Variants in CAPN2 observed in about 807,000 individuals in gnomAD.
The protein encoded by CAPN2 is calpain 2.
A neutral mutation model predicts 102.3 loss-of-function variants in CAPN2; 92 were observed. The ratio of observed to expected loss-of-function variants is 0.90; its 90% CI spans 0.76 to 1.07. CAPN2 has a LOEUF of 1.07. Ranked by LOEUF, CAPN2 falls within the 50% of genes least tolerant of loss-of-function variation. The probability of loss-of-function intolerance (pLI) is 0.00; values close to 1 mark genes in which losing one functional copy is unlikely to be tolerated. For synonymous variants in CAPN2, 340 were observed against 355.4 expected, an observed-to-expected ratio of 0.96 and a Z score of 0.49; for missense variants, 800 against 909.4, an observed-to-expected ratio of 0.88 and a Z score of 1.55.
chr1:223,742,261 A>G (rs1474973240), intron 2 of CAPN2, among the ~76,000 whole-genome samples: 1 of 151,868 alleles, frequency 6.6e-6, no homozygotes, highest in East Asian at 1.9e-4. Flanking sequence ...GCATGGTGGC[A>G]GGTGCCTATA....
chr1:223,761,793 G>C lies in CAPN2; in HGVS notation c.1566+176G>C, dbSNP rs1661192239. ...GCATCAGCTCTGGCCTCTGTGCTGG[G>C]GGCATGGGCCAGTCCCTTGCCTATT... On this transcript the variant is annotated intron_variant, in intron 13 of 20. Transcript: ENST00000295006. 4 of 586,902 alleles carry C rather than the reference G, an allele frequency of 6.8e-6. No homozygotes were observed. The East Asian group carries it at 1.1e-4, about 16-fold the overall frequency. 36.4% of individuals were successfully genotyped at this position (586,902 alleles called of 1,614,324 possible).
At chr1:223,718,239 G>A (rs935564449) in intron 2 of CAPN2, among the ~76,000 whole-genome samples, 8 of 152,236 alleles carry the variant, frequency 5.3e-5, no homozygotes, top group African/African-American at 1.9e-4. Context: ...GTTCTGTGAG[G>A]TTCAGGAACC....
At chr1:223,748,979 A>G in intron 5 of CAPN2, 60 bp from the exon 6 acceptor site, 1 of 1,473,514 alleles carries the variant, frequency 6.8e-7, no homozygotes, top group Non-Finnish European at 9.5e-7. Context: ...AGAGGGAGCG[A>G]GGGAGTCCGG....
intron 12 of CAPN2, among the ~76,000 whole-genome samples, chr1:223,760,818 C>A (rs888728807): frequency 6.6e-6 from 1 of 152,182 alleles, no homozygotes; most frequent in African/African-American, 2.4e-5. Context: ...ATTAATCCTT[C>A]TGCTCCAGAT....
At chr1:223,766,793 C>G (rs1315406693) in intron 16 of CAPN2, among the ~76,000 whole-genome samples, 2 of 152,120 alleles carry the variant, frequency 1.3e-5, no homozygotes, top group Non-Finnish European at 2.9e-5. Flanking sequence ...AACCTTGTCT[C>G]TACTAAAAAT....
chr1:223,732,641 T>A (rs941696782), intron 2 of CAPN2, among the ~76,000 whole-genome samples: 4 of 152,204 alleles, frequency 2.6e-5, no homozygotes, highest in Admixed American at 1.3e-4. Context: ...TCCTATCTCA[T>A]CCTGTGACTT....
chr1:223,761,738 G>A (rs569876822), intron 13 of CAPN2, 121 bp downstream of exon 13: 15 of 806,540 alleles, frequency 1.9e-5, no homozygotes, highest in East Asian at 2.5e-5. Context: ...GGATAAAGCC[G>A]GGTACTGGGA....
At chr1:223,749,529 C>A (rs1231871486) in intron 6 of CAPN2, 3 of 202,276 alleles carry the variant, frequency 1.5e-5, no homozygotes, top group Non-Finnish European at 3.0e-5. Context: ...CTCTTACCAG[C>A]TGTGTGGCCT....
intron 2 of CAPN2, among the ~76,000 whole-genome samples, chr1:223,728,219 G>A (rs28370043): frequency 0.089 from 13,496 of 152,108 alleles, 667 homozygotes; most frequent in African/African-American, 0.11. Context: ...GGGCTGAGCT[G>A]GGCAACTCTC....
At chr1:223,761,447 C>G in intron 12 of CAPN2, 134 bp from the exon 13 acceptor site, 1 of 568,998 alleles carries the variant, frequency 1.8e-6, no homozygotes, top group Middle Eastern at 3.8e-4. Flanking sequence ...ACAAAGACCT[C>G]CCCCCACCGC....
chr1:223,751,338 C>T (rs916851455), intron 7 of CAPN2, among the ~76,000 whole-genome samples: 5 of 152,202 alleles, frequency 3.3e-5, no homozygotes, highest in Non-Finnish European at 7.3e-5. Flanking sequence ...GAACTTTGTA[C>T]CAAAGGCCAG....
chr1:223,769,142 C>T (rs951480168), intron 16 of CAPN2, among the ~76,000 whole-genome samples: 2 of 152,048 alleles, frequency 1.3e-5, no homozygotes, highest in African/African-American at 2.4e-5. Flanking sequence ...TTTTTTGAGA[C>T]GGGGTCTCAC....
chr1:223,744,636 A>T (rs1222135), intron 3 of CAPN2, among the ~76,000 whole-genome samples: 1 of 152,248 alleles, frequency 6.6e-6, no homozygotes, highest in East Asian at 1.9e-4. Flanking sequence ...CGAGGTGGGC[A>T]GATCATTTGA....
rs116641325 is a variant in CAPN2 at position 223,721,034 on chromosome 1, C to T, written c.307+3203C>T. Among the ~76,000 whole-genome samples, 1,260 of 152,302 alleles carry T rather than the reference C, an allele frequency of 8.3e-3. 18 individuals are homozygous for T. Among genetic ancestry groups the T allele is most frequent in the African/African-American group, 0.029 (1,193 of 41,552 alleles). On this transcript the variant is annotated intron_variant, in intron 2 of 20. Coordinates refer to ENST00000295006, the MANE Select transcript of CAPN2 (RefSeq NM_001748.5). ...CTTGTGCACTTTGCAACGCCCTGCC[C>T]TGTTTACTGTGCTGCCCAGCAATGT...
chr1:223,737,690 G>T (rs1381262830), intron 2 of CAPN2, among the ~76,000 whole-genome samples: 2 of 65,992 alleles, frequency 3.0e-5, no homozygotes, highest in Non-Finnish European at 5.8e-5. Flanking sequence ...TTTAAGGCCT[G>T]ACCAAAAGAG....
rs1232037891 is a variant in CAPN2 at position 223,759,223 on chromosome 1, G to T, written c.1318-47G>T. On this transcript the variant is annotated intron_variant, in intron 11 of 20. Transcript: ENST00000295006. This position sits in a 1 kb window ranked among gnomAD's most constrained non-coding sequence, Gnocchi z 4.6. ...CAGTGAATGAAAATGATACTTGCCT[G>T]GAGGCTTCCCCTCATCTACCCCCAT... 6.6e-7 allele frequency: 1 copy of T among 1,524,256 alleles called. No homozygotes were observed. Among genetic ancestry groups the T allele is most frequent in the East Asian group, 2.3e-5 (1 of 44,436 alleles). 94.4% of individuals were successfully genotyped at this position (1,524,256 alleles called of 1,614,324 possible).
At chr1:223,734,353 A>C (rs555256684) in intron 2 of CAPN2, among the ~76,000 whole-genome samples, 2 of 152,168 alleles carry the variant, frequency 1.3e-5, no homozygotes, top group East Asian at 3.9e-4. Flanking sequence ...TGTTGCTGTC[A>C]CAGCTCACTG....
intron 2 of CAPN2, 59 bp downstream of exon 2, chr1:223,717,890 A>G: frequency 7.7e-7 from 1 of 1,304,510 alleles, no homozygotes; most frequent in Non-Finnish European, 1.1e-6. Flanking sequence ...TGGGTGGAAG[A>G]GATGAGGGAC....
chr1:223,739,994 G>A (rs1002512552), intron 2 of CAPN2, among the ~76,000 whole-genome samples: 1 of 152,196 alleles, frequency 6.6e-6, no homozygotes, highest in African/African-American at 2.4e-5. Context: ...CACCTGACCA[G>A]GAAGAAATCA....
Sources: gnomAD v4.1 joint callset for allele counts (sites outside exome capture counted in the v4.1 genomes callset) on GRCh38, gnomAD v4.1.1 for gene constraint, Gnocchi (gnomAD v3.1) non-coding constraint, MANE v1.5 for transcripts, NCBI Gene and HGNC (gene_info 2026-07-23, HGNC 2026-07-21) for gene names.